SLC8B1: variants seen among roughly 807,000 people sequenced by gnomAD.
The protein encoded by SLC8B1 is mitochondrial sodium/calcium exchanger protein.
A neutral mutation model predicts 63.4 loss-of-function variants in SLC8B1; 52 were observed. The observed-to-expected ratio is 0.82, with a 90% CI of 0.66 to 1.03. The LOEUF is 1.03. Ranked by LOEUF, SLC8B1 falls within the 50% of genes least tolerant of loss-of-function variation. SLC8B1 has a pLI of 0.00. For synonymous variants in SLC8B1, 336 were observed against 323.9 expected, an observed-to-expected ratio of 1.04 and a Z score of -0.40; for missense variants, 657 against 741.7, an observed-to-expected ratio of 0.89 and a Z score of 1.33.
At chr12:113,327,824 T>C (rs1343509277) in intron 2 of SLC8B1, among the ~76,000 whole-genome samples, 1 of 151,406 alleles carries the variant, frequency 6.6e-6, no homozygotes, top group Non-Finnish European at 1.5e-5. Context: ...CTACTAAAAA[T>C]ACAAAAAGCC....
intron 2 of SLC8B1, among the ~76,000 whole-genome samples, chr12:113,327,521 C>T (rs1205025427): frequency 1.3e-5 from 2 of 151,636 alleles, no homozygotes; most frequent in African/African-American, 4.9e-5. Context: ...TCCATCTCCA[C>T]TAAAAATATA....
rs1468786675 is a variant in SLC8B1, at chr12:113,320,331, C to T, written c.694G>A (p.Gly232Ser). 1 of 1,613,932 alleles carries T rather than the reference C, an allele frequency of 6.2e-7. No homozygotes were observed. The highest frequency in any genetic ancestry group is 8.5e-7 in the Non-Finnish European group (1 of 1,179,916). ...RGRVTLAWAL[G>S]YLGLYVFYVV... ...ACGCCTGAGCCCCAGAGCTGCTCAC[C>T]CAGAGCCCATGCCAGGGTGACCCTG... Residue 232 changes from glycine (G) to serine (S), a missense_variant and splice_region_variant, in exon 7 of 16, where the codon GGT (glycine) becomes AGT (serine). Physicochemically the swap from Gly to Ser is moderately conservative, Grantham distance 56 (BLOSUM62 0). Transcript: ENST00000680972. This position sits in a 1 kb window ranked among gnomAD's most constrained non-coding sequence, Gnocchi z 5.3.
At chr12:113,306,854 T>C in intron 13 of SLC8B1, 1 of 491,934 alleles carries the variant, frequency 2.0e-6, no homozygotes, top group Non-Finnish European at 3.6e-6. Context: ...CTCACACCTG[T>C]AATCCCAGCA....
chr12:113,313,212 T>A (rs1956786467), intron 11 of SLC8B1, among the ~76,000 whole-genome samples: 1 of 152,118 alleles, frequency 6.6e-6, no homozygotes. Context: ...GGTCGGTGGT[T>A]TACTTTTATT....
intron 11 of SLC8B1, among the ~76,000 whole-genome samples, chr12:113,312,979 C>T (rs1243474072): frequency 6.6e-6 from 1 of 152,036 alleles, no homozygotes; most frequent in East Asian, 1.9e-4. Flanking sequence ...AATCTCGGCT[C>T]ACTGCAGCCT....
At position 113,306,548 on chromosome 12, in the gene SLC8B1, C is replaced by A. The variant is rs571349816; in HGVS notation, c.1439G>T (p.Arg480Leu). Reference sequence around the variant, plus strand: ...GAACGCCATCCGTGGGTAGCCCTGGCGAGCCAGTGTGAAATCCGAGAAGGC... The same window carrying A: ...GAACGCCATCCGTGGGTAGCCCTGGAGAGCCAGTGTGAAATCCGAGAAGGC... ...GDAFSDFTLA[R>L]QGYPRMAFSA... is the part of the protein sequence containing the mutation. The change falls in exon 14 of 16, where the codon CGC (arginine) becomes CTC (leucine). Residue 480 changes from arginine (R) to leucine (L), a missense_variant. Coordinates refer to ENST00000680972, the MANE Select transcript of SLC8B1 (RefSeq NM_001358345.2). The A allele has an allele frequency of 6.2e-7, 1 of 1,613,466 alleles. No individual in the cohort carries two copies. The highest frequency in any genetic ancestry group is 1.7e-5 in the Admixed American group (1 of 60,004).
chr12:113,306,066 CAAAAAAAAAAAAAA>C (rs60824560), intron 14 of SLC8B1, among the ~76,000 whole-genome samples: 3 of 18,088 alleles, frequency 1.7e-4, no homozygotes, highest in Non-Finnish European at 2.4e-4. Flanking sequence ...CCCCACCCTG[CAAAAAAAAAAAAAA>C]AAAAAAAAAA....
At chr12:113,319,143 T>C (rs1481376870) in intron 7 of SLC8B1, 72 bp from the exon 8 acceptor site, 15 of 1,189,530 alleles carry the variant, frequency 1.3e-5, no homozygotes, top group Non-Finnish European at 2.5e-6. Context: ...CTGGCAGTTC[T>C]ATCAGTGGTG....
At position 113,308,202 on chromosome 12, in the gene SLC8B1, T is replaced by G. The variant is rs901797381; in HGVS notation, c.1258-358A>C. 7.9e-5 allele frequency: 17 copies of G among 214,802 alleles called. No homozygotes were observed. In the East Asian group the frequency reaches 2.5e-3, roughly 32 times the overall value. 13.3% of individuals were successfully genotyped at this position (214,802 alleles called of 1,614,324 possible). A position where few individuals can be genotyped will look rare whatever the true frequency, so the allele number is the denominator to read the frequency against. On this transcript the variant is annotated intron_variant, in intron 12 of 15. Transcript: ENST00000680972. ...TCTCTACTAAAAATACAAAAATTAG[T>G]CAGGCTGGTGTCACACACCTGTAAT...
intron 11 of SLC8B1, among the ~76,000 whole-genome samples, chr12:113,314,355 G>C (rs1956805750): frequency 6.6e-6 from 1 of 152,270 alleles, no homozygotes; most frequent in African/African-American, 2.4e-5. Context: ...GCCCAGCCAT[G>C]CATCTGCACC....
chr12:113,320,189 C>G lies in SLC8B1; in HGVS notation c.694+142G>C. 2 of 1,072,142 alleles carry G rather than the reference C, an allele frequency of 1.9e-6. No homozygotes were observed. Among genetic ancestry groups the G allele is most frequent in the African/African-American group, 1.6e-5 (1 of 63,160 alleles). The allele number at this position is 1,072,142 out of a possible 1,614,324, so 66.4% of individuals were successfully genotyped here. ...CCACATGTTCCCATTTTTGCTCAAG[C>G]CAGCTTGAGGAGGGTTTCTGTCACT... On this transcript the variant is annotated intron_variant, in intron 7 of 15. Transcript: ENST00000680972. The surrounding 1 kb of genome is among the most constrained non-coding windows in gnomAD (Gnocchi z 5.3).
At position 113,316,933 on chromosome 12, in the gene SLC8B1, C is replaced by T. The variant is rs753191492; in HGVS notation, c.862+9G>A. ...CGCCACCCTGGCTGGGCACAGGGCA[C>T]GGACTCACCGTAGTCATAGCTGTTG... On this transcript the variant is annotated intron_variant, in intron 9 of 15. Transcript: ENST00000680972. 53 of 1,612,658 alleles carry T rather than the reference C, an allele frequency of 3.3e-5. 1 individual carries two copies. The highest frequency in any genetic ancestry group is 8.8e-5 in the South Asian group (8 of 90,744).
chr12:113,311,697 ATTTTTTTTTTTTTT>A (rs58060872), intron 11 of SLC8B1, among the ~76,000 whole-genome samples: 1 of 95,366 alleles, frequency 1.0e-5, no homozygotes, highest in East Asian at 3.6e-4. Flanking sequence ...GTCAAGGGGG[ATTTTTTTTTTTTTT>A]TTTTTTTTTT....
In SLC8B1 at chr12:113,316,555, C is replaced by T. The variant is rs762715752; in HGVS notation, c.964G>A (p.Ala322Thr). 4 of 1,614,056 alleles carry T rather than the reference C, an allele frequency of 2.5e-6. No individual in the cohort carries two copies. In the African/African-American group the frequency reaches 4.0e-5, roughly 16 times the overall value. The change falls in exon 10 of 16, where the codon GCA becomes ACA. Residue 322 changes from alanine (A) to threonine (T), a missense_variant. Physicochemically the swap from Ala to Thr is moderately conservative, Grantham distance 58 (BLOSUM62 0). Transcript: ENST00000680972. Reference sequence around the variant, plus strand: ...AACACCTTGAGGGCTTTCCAGTATGCTGATTTCCTTCTCCACTTCATGTAA... The same window carrying T: ...AACACCTTGAGGGCTTTCCAGTATGTTGATTTCCTTCTCCACTTCATGTAA... ...LDYMKWRRKSAYWKALKVFKL... is the reference protein window; with the variant it reads ...LDYMKWRRKSTYWKALKVFKL...
intron 2 of SLC8B1, among the ~76,000 whole-genome samples, chr12:113,322,766 A>G (rs1956948070): frequency 6.6e-6 from 1 of 151,902 alleles, no homozygotes; most frequent in Non-Finnish European, 1.5e-5. Context: ...GGGCAACATG[A>G]CAAAACTCCA....
chr12:113,318,394 ATTTGTG>A (rs1462668583), intron 8 of SLC8B1, among the ~76,000 whole-genome samples: 1 of 150,272 alleles, frequency 6.7e-6, no homozygotes, highest in African/African-American at 2.5e-5. Context: ...GTGTGCATGT[ATTTGTG>A]TGTGTGCATA....
At chr12:113,317,141 C>A (rs573274962) in intron 8 of SLC8B1, 140 bp from the exon 9 acceptor site, 3 of 774,072 alleles carry the variant, frequency 3.9e-6, no homozygotes, top group South Asian at 1.6e-5. Flanking sequence ...TCTCTGTCAC[C>A]CAGGCTGGAG....
At position 113,325,159 on chromosome 12, in the gene SLC8B1, A is replaced by G. The variant is rs144397487; in HGVS notation, c.157-3811T>C. Among the ~76,000 whole-genome samples, 518 of 152,160 alleles carry G rather than the reference A, an allele frequency of 3.4e-3. 8 individuals carry two copies. Among genetic ancestry groups the G allele is most frequent in the African/African-American group, 0.011 (476 of 41,556 alleles). The stretch of plus-strand genomic sequence containing the variant: ...AATTTGCCCTCCTCAGAGACTTTCC[A>G]TGTAAAGTAGTTATTACCCCTATCT... On this transcript the variant is annotated intron_variant, in intron 2 of 15. Coordinates refer to ENST00000680972, the MANE Select transcript of SLC8B1 (RefSeq NM_001358345.2).
At chr12:113,303,079 C>A (rs550068689) in intron 15 of SLC8B1, among the ~76,000 whole-genome samples, 62 of 151,180 alleles carry the variant, frequency 4.1e-4, no homozygotes, top group Non-Finnish European at 8.3e-4. Context: ...CGTACACACA[C>A]ACACACACTT....
Sources: gnomAD v4.1 joint callset for allele counts (sites outside exome capture counted in the v4.1 genomes callset) on GRCh38, gnomAD v4.1.1 for gene constraint, Gnocchi (gnomAD v3.1) non-coding constraint, MANE v1.5 for transcripts, NCBI Gene and HGNC (gene_info 2026-07-23, HGNC 2026-07-21) for gene names.